Variants in OBSL1 observed in about 807,000 individuals in gnomAD.
The protein encoded by OBSL1 is obscurin-like protein 1.
OBSL1 carries 160 observed loss-of-function variants against 172.0 expected under a neutral mutation model. The observed-to-expected ratio is 0.93, with a 90% CI of 0.82 to 1.06. OBSL1 has a LOEUF of 1.06. OBSL1 is among the 50% of genes least tolerant of loss of function. The probability of loss-of-function intolerance (pLI) is 0.00; values close to 1 mark genes in which losing one functional copy is unlikely to be tolerated. For synonymous variants in OBSL1, 1,200 were observed against 1,196.3 expected (o/e 1.00, Z -0.06); for missense variants, 2,681 against 2,715.4 (o/e 0.99, Z 0.28).
At chr2:219,553,138 G>A in intron 16 of OBSL1, 114 bp from the exon 17 acceptor site, 1 of 1,319,240 alleles carries the variant, frequency 7.6e-7, no homozygotes, top group Non-Finnish European at 9.9e-7. Flanking sequence ...GCGCGTTTAT[G>A]CGTGTCTCGT....
chr2:219,551,856 G>GAGA, intron 19 of OBSL1, 58 bp from the exon 20 acceptor site: 13 of 1,091,550 alleles, frequency 1.2e-5, no homozygotes, highest in Non-Finnish European at 1.6e-5. Flanking sequence ...CCCAGGAGGA[G>GAGA]AGATGCATCT....
intron 6 of OBSL1, among the ~76,000 whole-genome samples, chr2:219,565,008 A>G (rs1696776429): frequency 2.0e-5 from 3 of 152,284 alleles, no homozygotes; most frequent in African/African-American, 7.2e-5. Flanking sequence ...CGGAGGTTGC[A>G]ATGAGCTGAG....
chr2:219,556,191 C>T lies in OBSL1; in HGVS notation c.4438G>A (p.Ala1480Thr), dbSNP rs377410720. Residue 1480 changes from alanine to threonine, a missense_variant, in exon 14 of 21, where the codon GCC (alanine) becomes ACC (threonine). Physicochemically the swap from Ala to Thr is moderately conservative, Grantham distance 58. Coordinates refer to ENST00000404537, the MANE Select transcript of OBSL1 (RefSeq NM_015311.3). ...VETGRVGAAG[A>T]VRWVRGGQPL... is the part of the protein sequence containing the mutation. ...TGCCCACCTCGCACCCAGCGCACGG[C>T]CCCCGCTGCACCCACTCGGCCTGTC... 5.6e-6 allele frequency: 9 copies of T among 1,612,334 alleles called. No homozygotes were observed. Among genetic ancestry groups the T allele is most frequent in the Non-Finnish European group, 6.8e-6 (8 of 1,179,356 alleles).
rs1574590475 is a variant in OBSL1, at chr2:219,571,287, G to T, written c.-55C>A. 1.0e-6 allele frequency: 1 copy of T among 976,634 alleles called. No homozygotes were observed. Among genetic ancestry groups the T allele is most frequent in the Non-Finnish European group, 1.3e-6 (1 of 753,234 alleles). 60.5% of individuals were successfully genotyped at this position (976,634 alleles called of 1,614,324 possible). A position where few individuals can be genotyped will look rare whatever the true frequency, so the allele number is the denominator to read the frequency against. ...CGGTGGGGGGGCAGGGGGGGGTGCG[G>T]AGGGCGAGCCGAGGCCCGGGGCGGC... is the stretch of plus-strand genomic sequence containing the variant. On this transcript the variant is annotated 5_prime_UTR_variant, in exon 1 of 21. Coordinates refer to ENST00000404537, the MANE Select transcript of OBSL1 (RefSeq NM_015311.3).
rs1481073895 is a variant in OBSL1 at position 219,554,586 on chromosome 2, G to A, written c.4764C>T (p.His1588=). Residue 1588 remains histidine, a synonymous_variant, in exon 15 of 21, where the codon CAC becomes CAT. Coordinates refer to ENST00000404537, the MANE Select transcript of OBSL1 (RefSeq NM_015311.3). The part of the protein sequence containing the change: ...QLYPGPKCHI[H]SDGHRHRLVL... ...CCAGTCGGTGACGGTGGCCGTCCGAGTGGATGTGACACTTGGGTCCTGGAT... is the reference window on the plus strand; with the variant it reads ...CCAGTCGGTGACGGTGGCCGTCCGAATGGATGTGACACTTGGGTCCTGGAT... 3 of 1,613,262 alleles carry A rather than the reference G, an allele frequency of 1.9e-6. No individual in the cohort carries two copies. Among genetic ancestry groups the A allele is most frequent in the Admixed American group, 1.7e-5 (1 of 59,984 alleles).
downstream of OBSL1, chr2:219,548,228 C>G: frequency 1.3e-6 from 1 of 741,166 alleles, no homozygotes. Flanking sequence ...GAGGATAGCA[C>G]CCAGGTGCCA....
At position 219,552,110 on chromosome 2, in the gene OBSL1, AC is replaced by A; in HGVS notation, c.5413+1del. 1 of 1,604,918 alleles carries A rather than the reference AC, an allele frequency of 6.2e-7. No individual in the cohort carries two copies. Among genetic ancestry groups the A allele is most frequent in the Non-Finnish European group, 8.5e-7 (1 of 1,176,078 alleles). ...TCTGTCGCTCCCACCCCAGGTGCTT[AC>A]CCTCCACTTCCAGTAGAGCCAGGGA... On this transcript the variant is annotated splice_donor_variant, in intron 19 of 20. Transcript: ENST00000404537. LOFTEE classifies it high-confidence loss of function.
intron 8 of OBSL1, 36 bp downstream of exon 8, chr2:219,562,366 T>G: frequency 6.2e-7 from 1 of 1,602,472 alleles, no homozygotes; most frequent in Middle Eastern, 1.7e-4. Flanking sequence ...CTCAGGGCTG[T>G]CTCTGTGACC....
rs370980487 is a variant in OBSL1, at chr2:219,563,459, C to T, written c.2576G>A (p.Gly859Glu). The T allele has an allele frequency of 1.1e-4, 185 of 1,613,780 alleles. No homozygotes were observed. The highest frequency in any genetic ancestry group is 1.4e-4 in the Non-Finnish European group (170 of 1,179,826). ...GGGCAGCACCAGGCGGCGATGGGGCCCCTCATTCTCCAGCACCACGAAGTC... is the reference window on the plus strand; with the variant it reads ...GGGCAGCACCAGGCGGCGATGGGGCTCCTCATTCTCCAGCACCACGAAGTC... ...ESDFVVLENE[G>E]PHRRLVLPAT... Residue 859 changes from glycine (G) to glutamate (E), a missense_variant, in exon 7 of 21, where the codon GGG becomes GAG. Gly to Glu is a moderately conservative substitution (Grantham distance 98). Transcript: ENST00000404537.
At position 219,571,149 on chromosome 2, in the gene OBSL1, C is replaced by T; in HGVS notation, c.84G>A (p.Glu28=). The change falls in exon 1 of 21, where the codon GAG becomes GAA. Residue 28 remains glutamate (E), a synonymous_variant. Coordinates refer to ENST00000404537, the MANE Select transcript of OBSL1 (RefSeq NM_015311.3). ...PRPVRVVSGA[E]AELKCVVLGE... Reference sequence around the variant, plus strand: ...CCAGGACCACGCACTTGAGCTCGGCCTCGGCGCCACTTACCACCCGCACAG... The same window carrying T: ...CCAGGACCACGCACTTGAGCTCGGCTTCGGCGCCACTTACCACCCGCACAG... 3 of 1,487,476 alleles carry T rather than the reference C, an allele frequency of 2.0e-6. No individual in the cohort carries two copies. The highest frequency in any genetic ancestry group is 1.8e-6 in the Non-Finnish European group (2 of 1,123,114). The allele number at this position is 1,487,476 out of a possible 1,614,324, so 92.1% of individuals were successfully genotyped here.
intron 8 of OBSL1, 77 bp from the exon 9 acceptor site, chr2:219,559,574 C>A: frequency 7.8e-7 from 1 of 1,287,688 alleles, no homozygotes; most frequent in Non-Finnish European, 1.1e-6. Context: ...GCATGAAGTC[C>A]CTATCACCCA....
chr2:219,565,412 G>C lies in OBSL1; in HGVS notation c.2237C>G (p.Pro746Arg). The C allele has an allele frequency of 3.7e-6, 6 of 1,613,928 alleles. No homozygotes were observed. The highest frequency in any genetic ancestry group is 5.1e-6 in the Non-Finnish European group (6 of 1,179,892). Reference sequence around the variant, plus strand: ...CTGCCCATCCTTGTACCAGGTTGCCGGGAAGTCCACCCTTGAGAGCTCACA... The same window carrying C: ...CTGCCCATCCTTGTACCAGGTTGCCCGGAAGTCCACCCTTGAGAGCTCACA... ...LTCELSRVDFPATWYKDGQKV... is the reference protein window; with the variant it reads ...LTCELSRVDFRATWYKDGQKV... Residue 746 changes from proline (P) to arginine (R), a missense_variant, in exon 6 of 21, where the codon CCG becomes CGG. Physicochemically the swap from Pro to Arg is moderately radical, Grantham distance 103. Around this residue, in one of 5 missense-constraint regions of OBSL1, gnomAD observed 1,765 missense variants for 1,748.3 expected, o/e 1.01. Transcript: ENST00000404537.
intron 9 of OBSL1, 24 bp downstream of exon 9, chr2:219,559,201 C>T: frequency 6.3e-7 from 1 of 1,575,388 alleles, no homozygotes; most frequent in Non-Finnish European, 8.6e-7. Flanking sequence ...TCTACCTCCT[C>T]TCTGTGCTGC....
intron 20 of OBSL1, 170 bp from the exon 21 acceptor site, chr2:219,551,012 T>C (rs951312857): frequency 8.1e-6 from 12 of 1,486,404 alleles, no homozygotes; most frequent in Middle Eastern, 2.4e-4. Context: ...GGGGGTCAGC[T>C]AGGGGTGGGG....
At chr2:219,562,738 G>C in intron 7 of OBSL1, 64 bp from the exon 8 acceptor site, 1 of 1,479,538 alleles carries the variant, frequency 6.8e-7, no homozygotes, top group Non-Finnish European at 9.0e-7. Flanking sequence ...CCCTGACCCC[G>C]TTGTGTTCCC....
At chr2:219,556,411 C>T (rs749482590) in intron 13 of OBSL1, 43 bp downstream of exon 13, 3 of 1,607,504 alleles carry the variant, frequency 1.9e-6, no homozygotes, top group South Asian at 1.1e-5. Flanking sequence ...GTTGGGAGTA[C>T]AGGCACGGGA....
At chr2:219,548,995 G>T, downstream of OBSL1, 1 of 737,036 alleles carries the variant, frequency 1.4e-6, no homozygotes, top group South Asian at 1.8e-5. Context: ...CCTCTGAGAG[G>T]TAGGAGACCA....
At chr2:219,557,228 C>T in intron 12 of OBSL1, 115 bp downstream of exon 12, 1 of 1,034,060 alleles carries the variant, frequency 9.7e-7, no homozygotes, top group Middle Eastern at 2.4e-4. Flanking sequence ...GTCATGCACG[C>T]ACTGGTTGGA....
chr2:219,548,022 G>T (rs868832062), downstream of OBSL1: 1 of 1,589,778 alleles, frequency 6.3e-7, no homozygotes. Context: ...CCCCTGCTCA[G>T]CCTGATGGGC....
Sources: gnomAD v4.1 joint callset for allele counts (sites outside exome capture counted in the v4.1 genomes callset) on GRCh38, gnomAD v4.1.1 for gene constraint, gnomAD v4.1.1 regional missense constraint, MANE v1.5 for transcripts, NCBI Gene and HGNC (gene_info 2026-07-23, HGNC 2026-07-21) for gene names.